Variants in FAM81A observed in about 807,000 individuals in gnomAD.
FAM81A encodes protein FAM81A.
Under a neutral mutation model 46.7 loss-of-function variants are expected in FAM81A, and 19 were observed. The ratio of observed to expected loss-of-function variants is 0.41; its 90% CI spans 0.28 to 0.60. The LOEUF (loss-of-function observed/expected upper bound fraction) is 0.60, where lower values mean the gene tolerates loss of function less well. Ranked by LOEUF, FAM81A falls within the 20% of genes least tolerant of loss-of-function variation. FAM81A has a pLI of 0.34. For synonymous variants in FAM81A, 183 were observed against 152.9 expected (o/e 1.20, Z -1.45); for missense variants, 377 against 453.5 (o/e 0.83, Z 1.53).
intron 4 of FAM81A, among the ~76,000 whole-genome samples, chr15:59,502,265 C>T (rs932828543): frequency 6.6e-6 from 1 of 150,978 alleles, no homozygotes. Context: ...ATGTGCCATG[C>T]TGGTGTGCTG....
At chr15:59,418,767 G>C (rs1008789109) in intron 2 of FAM81A, among the ~76,000 whole-genome samples, 3 of 151,786 alleles carry the variant, frequency 2.0e-5, no homozygotes, top group Non-Finnish European at 2.9e-5. Flanking sequence ...TAGTTCTGAA[G>C]ATGGATAGCT....
At chr15:59,437,263 C>G (rs1424313127), upstream of FAM81A, among the ~76,000 whole-genome samples, 1 of 152,006 alleles carries the variant, frequency 6.6e-6, no homozygotes, top group Non-Finnish European at 1.5e-5. Flanking sequence ...AGGGCTCAGG[C>G]TGGGGCGGGG....
intron 2 of FAM81A, among the ~76,000 whole-genome samples, chr15:59,428,093 G>A (rs753156690): frequency 2.6e-5 from 4 of 152,136 alleles, no homozygotes; most frequent in Non-Finnish European, 5.9e-5. Flanking sequence ...GATAAAAGCC[G>A]TTTTAACTCG....
chr15:59,415,122 T>C (rs1175571847), intron 2 of FAM81A, among the ~76,000 whole-genome samples: 6 of 140,206 alleles, frequency 4.3e-5, no homozygotes, highest in African/African-American at 1.3e-4. Flanking sequence ...AGCCTGTTTT[T>C]TTTTTTTTCT....
intron 4 of FAM81A, among the ~76,000 whole-genome samples, chr15:59,500,465 G>GTATTTT (rs1207630856): frequency 6.6e-6 from 1 of 151,352 alleles, no homozygotes; most frequent in African/African-American, 2.4e-5. Context: ...GCCCAGCTAA[G>GTATTTT]TATTTTTATT....
intron 1 of FAM81A, among the ~76,000 whole-genome samples, chr15:59,449,556 C>T (rs921548216): frequency 6.6e-5 from 10 of 152,060 alleles, no homozygotes; most frequent in Middle Eastern, 3.4e-3. Flanking sequence ...CCAAGGCGGG[C>T]GGATCACGAG....
At chr15:59,405,324 G>A (rs2081089369) in intron 2 of FAM81A, among the ~76,000 whole-genome samples, 1 of 152,118 alleles carries the variant, frequency 6.6e-6, no homozygotes, top group African/African-American at 2.4e-5. Flanking sequence ...AGGGTACAAA[G>A]AATACAACCG....
At chr15:59,489,606 C>T (rs2081961245) in intron 3 of FAM81A, among the ~76,000 whole-genome samples, 1 of 151,992 alleles carries the variant, frequency 6.6e-6, no homozygotes, top group Admixed American at 6.6e-5. Context: ...CAAAACTATC[C>T]TGAGCAAAAG....
chr15:59,494,772 G>C (rs886068670), intron 4 of FAM81A, among the ~76,000 whole-genome samples: 2 of 152,074 alleles, frequency 1.3e-5, no homozygotes, highest in African/African-American at 4.8e-5. Flanking sequence ...CATTTTAAGT[G>C]GTATTCTTAA....
chr15:59,505,270 G>A (rs955722869), intron 4 of FAM81A, among the ~76,000 whole-genome samples: 1 of 152,104 alleles, frequency 6.6e-6, no homozygotes, highest in Non-Finnish European at 1.5e-5. Context: ...CCAGCACTTT[G>A]GGAGGCTGAG....
chr15:59,487,620 G>A (rs1020662148), intron 3 of FAM81A, among the ~76,000 whole-genome samples: 10 of 151,950 alleles, frequency 6.6e-5, no homozygotes, highest in Non-Finnish European at 1.5e-4. Flanking sequence ...GAGGCTACTA[G>A]GAGCAACTAT....
intron 2 of FAM81A, among the ~76,000 whole-genome samples, chr15:59,431,475 C>A (rs577292599): frequency 1.8e-4 from 28 of 151,884 alleles, no homozygotes; most frequent in African/African-American, 5.6e-4. Context: ...CCTCATGATC[C>A]GCCTGCCTTG....
At chr15:59,467,873 G>T (rs1482478727) in intron 3 of FAM81A, among the ~76,000 whole-genome samples, 4 of 152,126 alleles carry the variant, frequency 2.6e-5, no homozygotes, top group African/African-American at 7.2e-5. Context: ...ATTATTTTGA[G>T]ATACGTTCCA....
intron 8 of FAM81A, among the ~76,000 whole-genome samples, chr15:59,519,985 A>G (rs1404286411): frequency 6.6e-6 from 1 of 152,192 alleles, no homozygotes; most frequent in East Asian, 1.9e-4. Flanking sequence ...AGTAACCTCT[A>G]TACCAAGCTT....
At chr15:59,509,008 T>C in intron 6 of FAM81A, 39 bp downstream of exon 6, 2 of 1,506,308 alleles carry the variant, frequency 1.3e-6, no homozygotes, top group Non-Finnish European at 1.8e-6. Flanking sequence ...AACTTAAAGT[T>C]CTTTATGAGT....
chr15:59,406,673 G>A (rs1439050245), intron 2 of FAM81A, among the ~76,000 whole-genome samples: 1 of 152,218 alleles, frequency 6.6e-6, no homozygotes, highest in Admixed American at 6.5e-5. Context: ...CCTACCCCCA[G>A]CTCTAGGCAA....
intron 3 of FAM81A, among the ~76,000 whole-genome samples, chr15:59,482,446 T>A (rs1333573873): frequency 6.6e-6 from 1 of 152,160 alleles, no homozygotes; most frequent in Non-Finnish European, 1.5e-5. Flanking sequence ...TTTTTGTATT[T>A]TTAGTAGAGA....
At chr15:59,433,728 C>T (rs996757682), upstream of FAM81A, among the ~76,000 whole-genome samples, 3 of 152,290 alleles carry the variant, frequency 2.0e-5, no homozygotes, top group South Asian at 2.1e-4. Context: ...TAAAGAGTGA[C>T]GTATTGTGTT....
intron 2 of FAM81A, among the ~76,000 whole-genome samples, chr15:59,414,598 A>C (rs1432366524): frequency 6.6e-6 from 1 of 152,090 alleles, no homozygotes; most frequent in Non-Finnish European, 1.5e-5. Context: ...GTGATGAGTT[A>C]ATCTTCCCTA....
Sources: allele counts gnomAD v4.1 joint callset (sites outside exome capture counted in the v4.1 genomes callset), GRCh38; gene constraint gnomAD v4.1.1; transcripts MANE v1.5; gene names NCBI Gene and HGNC (gene_info 2026-07-23, HGNC 2026-07-21).